Variants in MAP3K13 observed in about 807,000 individuals in gnomAD.
The protein encoded by MAP3K13 is leucine zipper-bearing kinase.
A neutral mutation model predicts 104.0 loss-of-function variants in MAP3K13; 52 were observed. That is an observed-to-expected ratio of 0.50 (90% confidence interval 0.40 to 0.63). The LOEUF (loss-of-function observed/expected upper bound fraction) is 0.63, where lower values mean the gene tolerates loss of function less well. MAP3K13 is among the 20% of genes least tolerant of loss of function. The pLI is 0.00. For missense variants in MAP3K13, 914 were observed against 1,218.5 expected (o/e 0.75, Z 3.72); for synonymous variants, 394 against 442.2 (o/e 0.89, Z 1.37).
intron 2 of MAP3K13, among the ~76,000 whole-genome samples, chr3:185,331,688 T>C (rs1431256023): frequency 2.0e-5 from 3 of 152,178 alleles, no homozygotes; most frequent in Admixed American, 2.0e-4. Context: ...TTTGAATAGA[T>C]GATATATTCA....
chr3:185,474,610 G>A (rs1209519096), intron 11 of MAP3K13, among the ~76,000 whole-genome samples: 1 of 152,148 alleles, frequency 6.6e-6, no homozygotes, highest in Non-Finnish European at 1.5e-5. Context: ...TTAATCCCCT[G>A]AGGCACTAGC....
chr3:185,437,763 G>T, intron 3 of MAP3K13, 133 bp downstream of exon 3: 1 of 819,000 alleles, frequency 1.2e-6, no homozygotes, highest in Non-Finnish European at 1.8e-6. Context: ...GCTTTGGGAG[G>T]GTATCAAGGA....
chr3:185,449,835 G>C lies in MAP3K13; in HGVS notation c.1011-65G>C, dbSNP rs142891749. The C allele has an allele frequency of 4.3e-6, 6 of 1,384,824 alleles. No homozygotes were observed. In the East Asian group the frequency reaches 1.2e-4, roughly 29 times the overall value. 85.8% of individuals were successfully genotyped at this position (1,384,824 alleles called of 1,614,324 possible). A position where few individuals can be genotyped will look rare whatever the true frequency, so the allele number is the denominator to read the frequency against. ...TGTACTAATTTGATTTCAATTAATA[G>C]AGAACTAAAATACAAATCAGTCTTT... is the stretch of plus-strand genomic sequence containing the variant. On this transcript the variant is annotated intron_variant, in intron 5 of 13. Transcript: ENST00000265026.
In MAP3K13 at chr3:185,473,093, C is replaced by A; in HGVS notation, c.1762C>A (p.Pro588Thr). 6.2e-7 allele frequency: 1 copy of A among 1,614,154 alleles called. No homozygotes were observed. Among genetic ancestry groups the A allele is most frequent in the Non-Finnish European group, 8.5e-7 (1 of 1,180,026 alleles). ...SSSKSRYRSK[P>T]RHRRGNSRGS... ...CAGCAAGAGCCGATATCGAAGCAAA[C>A]CACGCCACCGCCGAGGGAATAGCAG... The change falls in exon 11 of 14, where the codon CCA becomes ACA. Residue 588 changes from proline (P) to threonine (T), a missense_variant. Transcript: ENST00000265026. The surrounding 1 kb of genome is among the most constrained non-coding windows in gnomAD (Gnocchi z 4.9).
At chr3:185,413,395 G>T (rs1713559328) in intron 1 of MAP3K13, among the ~76,000 whole-genome samples, 1 of 152,174 alleles carries the variant, frequency 6.6e-6, no homozygotes, top group Admixed American at 6.5e-5. Flanking sequence ...CATGTGGCTA[G>T]TGAATACCTA....
At chr3:185,436,764 A>T in intron 2 of MAP3K13, among the ~76,000 whole-genome samples, 1 of 152,030 alleles carries the variant, frequency 6.6e-6, no homozygotes. Context: ...ACACTTTGGG[A>T]GGCCAAGGCG....
chr3:185,356,140 G>A (rs539937149), intron 2 of MAP3K13, among the ~76,000 whole-genome samples: 6,216 of 152,272 alleles, frequency 0.041, 143 homozygotes, highest in Middle Eastern at 0.061. Context: ...ACTTTTGATG[G>A]TGACAAAGAT....
chr3:185,285,901 G>T (rs368831470), intron 2 of MAP3K13, among the ~76,000 whole-genome samples: 7 of 152,060 alleles, frequency 4.6e-5, no homozygotes, highest in South Asian at 2.1e-4. Flanking sequence ...CTTTTTTTAG[G>T]GGGGAGCTTC....
chr3:185,448,166 C>CTTACTG, intron 5 of MAP3K13: 1 of 678,512 alleles, frequency 1.5e-6, no homozygotes, highest in Non-Finnish European at 2.7e-6. Context: ...AGTAAGTCAC[C>CTTACTG]AGTTTGGGGG....
At chr3:185,451,219 G>GT (rs1715862455) in intron 6 of MAP3K13, 68 bp from the exon 7 acceptor site, 4 of 1,144,308 alleles carry the variant, frequency 3.5e-6, no homozygotes. Flanking sequence ...TCTTCATAAA[G>GT]TAAAATAAAA....
chr3:185,362,879 ATTCCT>A (rs1202467557), upstream of MAP3K13, among the ~76,000 whole-genome samples: 10 of 151,212 alleles, frequency 6.6e-5, no homozygotes, highest in African/African-American at 2.4e-4. Context: ...TTCTATTTTG[ATTCCT>A]TCATTCAATA....
At chr3:185,361,645 C>T (rs1056783602), upstream of MAP3K13, among the ~76,000 whole-genome samples, 1 of 152,110 alleles carries the variant, frequency 6.6e-6, no homozygotes, top group Non-Finnish European at 1.5e-5. Context: ...CCTCGTGATC[C>T]GCCCACCTTG....
At chr3:185,465,643 G>A (rs1717366553) in intron 8 of MAP3K13, 104 bp from the exon 9 acceptor site, 6 of 779,352 alleles carry the variant, frequency 7.7e-6, no homozygotes, top group South Asian at 7.5e-5. Flanking sequence ...AGAGGGCCTT[G>A]GGCAAATGCT....
intron 2 of MAP3K13, chr3:185,291,740 C>G (rs771731757): frequency 6.7e-7 from 1 of 1,492,584 alleles, no homozygotes; most frequent in Non-Finnish European, 8.8e-7. Context: ...TTAAAGCTCT[C>G]CATTGAACCC....
chr3:185,451,337 T>C lies in MAP3K13; in HGVS notation c.1220T>C (p.Leu407Ser). 1.2e-6 allele frequency: 2 copies of C among 1,613,852 alleles called. No homozygotes were observed. The highest frequency in any genetic ancestry group is 1.7e-6 in the Non-Finnish European group (2 of 1,179,782). ...RPSFRQTLMH[L>S]DIASADVLAT... Reference sequence around the variant, plus strand: ...TCTTTTCGGCAGACACTCATGCATTTAGACATTGCCTCTGCAGATGTACTT... The same window carrying C: ...TCTTTTCGGCAGACACTCATGCATTCAGACATTGCCTCTGCAGATGTACTT... The change falls in exon 7 of 14, where the codon TTA (leucine) becomes TCA (serine). Residue 407 changes from leucine to serine, a missense_variant. Physicochemically the swap from Leu to Ser is moderately radical, Grantham distance 145. Transcript: ENST00000265026.
chr3:185,357,215 C>A (rs1485481752), intron 2 of MAP3K13, among the ~76,000 whole-genome samples: 1 of 151,106 alleles, frequency 6.6e-6, no homozygotes, highest in Non-Finnish European at 1.5e-5. Flanking sequence ...GAGGCCGAGG[C>A]GGGCGGATCA....
chr3:185,476,160 C>G (rs964139986), intron 11 of MAP3K13, among the ~76,000 whole-genome samples: 1 of 151,970 alleles, frequency 6.6e-6, no homozygotes, highest in African/African-American at 2.4e-5. Flanking sequence ...ATCTTTGAAC[C>G]TTTCTCATGC....
At position 185,423,689 on chromosome 3, in the gene MAP3K13, C is replaced by A. The variant is rs1223785080; in HGVS notation, c.-85-4808C>A. ...ATAATTTAAGTGCCTCTTAACCTAA[C>A]CCCGTCCAGTTAAAGTGATCTCTCT... On this transcript the variant is annotated intron_variant, in intron 1 of 13. Transcript: ENST00000265026. This position sits in a 1 kb window ranked among gnomAD's most constrained non-coding sequence, Gnocchi z 4.1. Among the ~76,000 whole-genome samples, 3 of 152,182 alleles carry A rather than the reference C, an allele frequency of 2.0e-5. No individual in the cohort carries two copies. Among genetic ancestry groups the A allele is most frequent in the East Asian group, 1.9e-4 (1 of 5,188 alleles).
At chr3:185,288,896 G>A (rs1351993844) in intron 2 of MAP3K13, among the ~76,000 whole-genome samples, 1 of 152,068 alleles carries the variant, frequency 6.6e-6, no homozygotes, top group African/African-American at 2.4e-5. Context: ...GTCTTTCCTA[G>A]CATTCCAATT....
Sources: gnomAD v4.1 joint callset for allele counts (sites outside exome capture counted in the v4.1 genomes callset) on GRCh38, gnomAD v4.1.1 for gene constraint, Gnocchi (gnomAD v3.1) non-coding constraint, MANE v1.5 for transcripts, NCBI Gene and HGNC (gene_info 2026-07-23, HGNC 2026-07-21) for gene names.